LINGO2: variants seen among roughly 807,000 people sequenced by gnomAD.
LINGO2 encodes the protein leucine-rich repeat and immunoglobulin-like domain-containing nogo receptor-interacting protein 2.
In LINGO2, 14 loss-of-function variants were observed where a neutral mutation model predicts 30.6. The observed-to-expected ratio is 0.46, with a 90% CI of 0.30 to 0.72. The LOEUF (loss-of-function observed/expected upper bound fraction) is 0.72, where lower values mean the gene tolerates loss of function less well. Among genes scored for constraint, LINGO2 ranks in the 30% least tolerant of loss-of-function variants. LINGO2 has a pLI of 0.07. For missense variants in LINGO2, 729 were observed against 751.7 expected, an observed-to-expected ratio of 0.97 and a Z score of 0.35; for synonymous variants, 317 against 288.5, an observed-to-expected ratio of 1.10 and a Z score of -1.00.
chr9:28,188,979 G>A (rs903968469), intron 4 of LINGO2, among the ~76,000 whole-genome samples: 5 of 151,978 alleles, frequency 3.3e-5, no homozygotes, highest in Non-Finnish European at 7.4e-5. Flanking sequence ...AGGTGGGAAG[G>A]AAAAAACAGA....
At chr9:28,622,057 T>C (rs1236044657) in intron 1 of LINGO2, among the ~76,000 whole-genome samples, 9 of 152,074 alleles carry the variant, frequency 5.9e-5, no homozygotes, top group Admixed American at 5.9e-4. Context: ...TAGGTGCATA[T>C]ATGTATGGGG....
intron 2 of LINGO2, among the ~76,000 whole-genome samples, chr9:28,439,113 GATA>G (rs1408851837): frequency 6.8e-6 from 1 of 146,648 alleles, no homozygotes; most frequent in Non-Finnish European, 1.5e-5. Flanking sequence ...ATGAAATATA[GATA>G]ATATCTATTT....
At chr9:29,181,719 G>A in the LINGO2 span, among the ~76,000 whole-genome samples, 1 of 152,086 alleles carries the variant, frequency 6.6e-6, no homozygotes, top group African/African-American at 2.4e-5. Flanking sequence ...AGACTTTCTT[G>A]AGACAGTCCA....
the LINGO2 span, among the ~76,000 whole-genome samples, chr9:28,990,676 A>C: frequency 6.6e-6 from 1 of 152,142 alleles, no homozygotes; most frequent in Non-Finnish European, 1.5e-5. Flanking sequence ...AGGAACGATC[A>C]GACAGCAGCA....
chr9:27,944,638 G>T (rs1392681058), downstream of LINGO2: 1 of 152,134 alleles, frequency 6.6e-6, no homozygotes, highest in African/African-American at 2.4e-5. Context: ...GGAATTAAAA[G>T]GTGCTCCCAA....
chr9:28,769,139 A>G, the LINGO2 span, among the ~76,000 whole-genome samples: 1 of 151,828 alleles, frequency 6.6e-6, no homozygotes, highest in East Asian at 1.9e-4. Context: ...AGGGTATTCT[A>G]TATCTGCATT....
At chr9:27,988,100 GTGTT>G (rs1445135028) in intron 5 of LINGO2, among the ~76,000 whole-genome samples, 12 of 152,100 alleles carry the variant, frequency 7.9e-5, no homozygotes, top group South Asian at 2.1e-4. Flanking sequence ...AGAACATGTG[GTGTT>G]TGTTTTTTTG....
the LINGO2 span, among the ~76,000 whole-genome samples, chr9:28,932,154 A>AAATAAAATAAAATAAAATAAAATAAAAT: frequency 6.6e-6 from 1 of 150,546 alleles, no homozygotes; most frequent in African/African-American, 2.4e-5. Flanking sequence ...AAATAAAATG[A>AAATAAAATAAAATAAAATAAAATAAAAT]AAGGCAGTGG....
chr9:29,062,314 C>A, the LINGO2 span, among the ~76,000 whole-genome samples: 1 of 152,116 alleles, frequency 6.6e-6, no homozygotes, highest in Admixed American at 6.6e-5. Flanking sequence ...AATTACCATA[C>A]AATTCACTAA....
chr9:28,490,726 G>A (rs1034824779), intron 1 of LINGO2, among the ~76,000 whole-genome samples: 2 of 152,174 alleles, frequency 1.3e-5, no homozygotes, highest in Non-Finnish European at 2.9e-5. Context: ...AGGGTAGAGA[G>A]AAGTAACATT....
intron 1 of LINGO2, among the ~76,000 whole-genome samples, chr9:28,611,548 C>A (rs550963043): frequency 1.2e-4 from 19 of 152,198 alleles, no homozygotes; most frequent in Non-Finnish European, 2.9e-5. Flanking sequence ...ATTTTCACAC[C>A]CGATCCCCAT....
At chr9:29,179,649 C>T in the LINGO2 span, among the ~76,000 whole-genome samples, 1 of 152,182 alleles carries the variant, frequency 6.6e-6, no homozygotes, top group Non-Finnish European at 1.5e-5. Flanking sequence ...AGGTGATCCA[C>T]CCGCCTCAGC....
chr9:29,008,573 T>A, the LINGO2 span, among the ~76,000 whole-genome samples: 1 of 152,154 alleles, frequency 6.6e-6, no homozygotes, highest in Non-Finnish European at 1.5e-5. Flanking sequence ...TTTCTCCACA[T>A]CCTCTCCAGC....
chr9:28,926,424 T>C, the LINGO2 span, among the ~76,000 whole-genome samples: 4 of 152,336 alleles, frequency 2.6e-5, no homozygotes, highest in Non-Finnish European at 5.9e-5. Context: ...ATATGGGCTT[T>C]AGAACAATGC....
chr9:28,545,659 G>C (rs980549915), intron 1 of LINGO2, among the ~76,000 whole-genome samples: 1 of 147,886 alleles, frequency 6.8e-6, no homozygotes, highest in South Asian at 2.1e-4. Flanking sequence ...AGGAAAAAGA[G>C]GGGGGGAACT....
chr9:28,785,869 AC>A, the LINGO2 span, among the ~76,000 whole-genome samples: 6,420 of 152,338 alleles, frequency 0.042, 200 homozygotes, highest in Non-Finnish European at 0.064. Context: ...CTGTAGACCT[AC>A]AGTTTGTCAA....
chr9:28,019,843 G>A (rs1385814166), intron 4 of LINGO2, among the ~76,000 whole-genome samples: 1 of 151,986 alleles, frequency 6.6e-6, no homozygotes, highest in Non-Finnish European at 1.5e-5. Flanking sequence ...AGTAACCTTT[G>A]GCAAATTCCC....
chr9:27,941,229 G>A, the LINGO2 span: 1 of 152,252 alleles, frequency 6.6e-6, no homozygotes. Flanking sequence ...GAGGTCAGGA[G>A]ATCGAGACCA....
chr9:29,185,030 A>G, the LINGO2 span, among the ~76,000 whole-genome samples: 7 of 152,178 alleles, frequency 4.6e-5, no homozygotes, highest in Admixed American at 3.9e-4. Context: ...TAGACTCTCC[A>G]GGTTCAGCTG....
Sources: allele counts gnomAD v4.1 joint callset (sites outside exome capture counted in the v4.1 genomes callset), GRCh38; gene constraint gnomAD v4.1.1; transcripts MANE v1.5; gene names NCBI Gene and HGNC (gene_info 2026-07-23, HGNC 2026-07-21).